The following ANKS1B variants were observed in gnomAD, a reference collection of about 807,000 sequenced individuals.
The protein encoded by ANKS1B is ankyrin repeat and sterile alpha motif domain-containing protein 1B.
A neutral mutation model predicts 148.3 loss-of-function variants in ANKS1B; 36 were observed. That is an observed-to-expected ratio of 0.24 (90% CI 0.19 to 0.32). ANKS1B has a LOEUF of 0.32. Ranked by LOEUF, ANKS1B falls within the 10% of genes least tolerant of loss-of-function variation. ANKS1B has a pLI of 1.00. For missense variants in ANKS1B, 1,157 were observed against 1,542.6 expected (o/e 0.75, Z 4.19); for synonymous variants, 542 against 560.8 (o/e 0.97, Z 0.47).
Position 99,147,999 on chromosome 12 carries a change from A to C in ANKS1B, c.2526+6290T>G, listed in dbSNP as rs1601046564. Among the ~76,000 whole-genome samples the C allele has an allele frequency of 2.6e-5, 4 of 152,112 alleles. No individual in the cohort carries two copies. The South Asian group carries it at 8.3e-4, about 31-fold the overall frequency. The stretch of plus-strand genomic sequence containing the variant: ...AATTTCAGCAGAAAAGTTGAGAAAC[A>C]AGCTGGATTATAGGGTTAAGGAAGT... On this transcript the variant is annotated intron_variant, in intron 15 of 26. Transcript: ENST00000683438.
At position 99,378,670 on chromosome 12, in the gene ANKS1B, A is replaced by AAAAG. The variant is rs1566987906; in HGVS notation, c.1756+20957_1756+20960dup. Among the ~76,000 whole-genome samples the AAAAG allele has an allele frequency of 4.2e-4, 62 of 146,182 alleles. 2 individuals carry two copies. Among genetic ancestry groups the AAAAG allele is most frequent in the African/African-American group, 7.1e-4 (28 of 39,274 alleles). ...TCCATCTCAAAAAAAAAAAAAAAAA[A>AAAAG]AAAGAAAAAGAAAAGAAAAAGAGAC... On this transcript the variant is annotated intron_variant, in intron 12 of 26. Coordinates refer to ENST00000683438, the MANE Select transcript of ANKS1B (RefSeq NM_001352186.2).
Position 98,781,107 on chromosome 12 carries a change from T to A in ANKS1B, c.3441+10A>T. 1 of 1,520,054 alleles carries A rather than the reference T, an allele frequency of 6.6e-7. No individual in the cohort carries two copies. Among genetic ancestry groups the A allele is most frequent in the South Asian group, 1.2e-5 (1 of 83,252 alleles). 94.2% of individuals were successfully genotyped at this position (1,520,054 alleles called of 1,614,324 possible). On this transcript the variant is annotated intron_variant, in intron 24 of 26. Coordinates refer to ENST00000683438, the MANE Select transcript of ANKS1B (RefSeq NM_001352186.2). ...CTGGTGTCTAAACCAGAGAGAGGAG[T>A]GGTACTTACCTTATTTGTTGCATCA...
At chr12:99,010,916 T>C (rs1255143177) in intron 17 of ANKS1B, among the ~76,000 whole-genome samples, 1 of 149,852 alleles carries the variant, frequency 6.7e-6, no homozygotes, top group African/African-American at 2.5e-5. Flanking sequence ...TTTTTTTTTT[T>C]TTTTTTAATA....
chr12:99,067,551 G>A (rs2044764413), intron 16 of ANKS1B, among the ~76,000 whole-genome samples: 2 of 152,172 alleles, frequency 1.3e-5, no homozygotes, highest in Non-Finnish European at 2.9e-5. Flanking sequence ...TAGAGCAAGA[G>A]AGGCAGAAAA....
At chr12:98,743,161 G>C (rs1486677217), downstream of ANKS1B, among the ~76,000 whole-genome samples, 1 of 152,054 alleles carries the variant, frequency 6.6e-6, no homozygotes, top group Non-Finnish European at 1.5e-5. Context: ...ATTGATTTTT[G>C]AGGATTTGGC....
Position 99,551,450 on chromosome 12 carries a change from C to T in ANKS1B, c.1273-46809G>A, listed in dbSNP as rs956632509. 5.3e-5 allele frequency among the ~76,000 whole-genome samples: 8 copies of T among 149,910 alleles called. No homozygotes were observed. In the East Asian group the frequency reaches 5.9e-4, roughly 11 times the overall value. On this transcript the variant is annotated intron_variant, in intron 9 of 26. Transcript: ENST00000683438. Reference sequence around the variant, plus strand: ...CTATGATCTCCACTAAAAGGTAAGCCGCTTTATGGCAGGAACCATAACCTA... The same window carrying T: ...CTATGATCTCCACTAAAAGGTAAGCTGCTTTATGGCAGGAACCATAACCTA...
At chr12:99,000,068 G>A (rs777418495) in intron 17 of ANKS1B, among the ~76,000 whole-genome samples, 8 of 151,930 alleles carry the variant, frequency 5.3e-5, no homozygotes, top group East Asian at 1.9e-4. Flanking sequence ...GCTAAGAAAC[G>A]GGTGGGTAGA....
chr12:99,603,300 C>T (rs1365273527), intron 9 of ANKS1B, among the ~76,000 whole-genome samples: 2 of 152,092 alleles, frequency 1.3e-5, no homozygotes, highest in Non-Finnish European at 2.9e-5. Flanking sequence ...GACTCACTGT[C>T]AAATTTCCCA....
At chr12:99,943,337 T>C (rs980118417) in intron 1 of ANKS1B, among the ~76,000 whole-genome samples, 3 of 152,194 alleles carry the variant, frequency 2.0e-5, no homozygotes, top group Non-Finnish European at 4.4e-5. Flanking sequence ...GTTATAAAAC[T>C]GCAGCACAAA....
chr12:99,378,311 A>G (rs2152497363), intron 12 of ANKS1B, among the ~76,000 whole-genome samples: 1 of 152,294 alleles, frequency 6.6e-6, no homozygotes, highest in Non-Finnish European at 1.5e-5. Flanking sequence ...AATGAGATTC[A>G]TAGAAAATCC....
intron 1 of ANKS1B, among the ~76,000 whole-genome samples, chr12:99,961,316 G>T (rs1344406154): frequency 1.3e-5 from 2 of 152,152 alleles, no homozygotes; most frequent in Non-Finnish European, 2.9e-5. Context: ...AGTGGGAAAG[G>T]TAAGGTGAAG....
intron 12 of ANKS1B, among the ~76,000 whole-genome samples, chr12:99,263,998 A>C (rs1462183847): frequency 6.6e-6 from 1 of 152,172 alleles, no homozygotes; most frequent in African/African-American, 2.4e-5. Context: ...TCTCAAGTTC[A>C]AATCCATTGC....
chr12:99,734,443 G>A lies in ANKS1B; in HGVS notation c.1128+38479C>T, dbSNP rs149916625. Among the ~76,000 whole-genome samples the A allele has an allele frequency of 6.3e-3, 958 of 152,060 alleles. 4 individuals are homozygous for A. The highest frequency in any genetic ancestry group is 0.02 in the South Asian group (95 of 4,812). On this transcript the variant is annotated intron_variant, in intron 8 of 26. Transcript: ENST00000683438. ...CGAGTAGCTGGGATTACAGGCATGC[G>A]CCACCACGCATGGCTAATTTTTGTA...
intron 1 of ANKS1B, among the ~76,000 whole-genome samples, chr12:99,950,781 C>G (rs975901546): frequency 2.0e-5 from 3 of 152,100 alleles, no homozygotes; most frequent in Non-Finnish European, 4.4e-5. Context: ...TGGTTGCTCT[C>G]AAGGCCTAGT....
intron 9 of ANKS1B, 120 bp downstream of exon 9, chr12:99,654,947 A>T: frequency 8.5e-7 from 1 of 1,171,786 alleles, no homozygotes; most frequent in Non-Finnish European, 1.2e-6. Flanking sequence ...AAACCACAAG[A>T]TCCAAAATCA....
intron 17 of ANKS1B, among the ~76,000 whole-genome samples, chr12:98,876,445 T>C (rs1416915625): frequency 6.6e-6 from 1 of 152,212 alleles, no homozygotes; most frequent in African/African-American, 2.4e-5. Flanking sequence ...TTGTAATCTA[T>C]CAATTAATGT....
chr12:99,100,235 AT>A (rs1369599672), intron 15 of ANKS1B, among the ~76,000 whole-genome samples: 5 of 152,194 alleles, frequency 3.3e-5, no homozygotes, highest in African/African-American at 9.7e-5. Context: ...GATCATTTCC[AT>A]TTTTAGTTTT....
At chr12:99,415,722 C>A (rs1594351890) in intron 11 of ANKS1B, among the ~76,000 whole-genome samples, 2 of 152,102 alleles carry the variant, frequency 1.3e-5, no homozygotes, top group Admixed American at 1.3e-4. Context: ...CTCGCTCTGC[C>A]GCCCAGGCTG....
chr12:99,843,450 C>T (rs974596720), intron 1 of ANKS1B, among the ~76,000 whole-genome samples: 10 of 152,032 alleles, frequency 6.6e-5, no homozygotes, highest in Non-Finnish European at 1.5e-4. Flanking sequence ...GCTGTCCACT[C>T]CGTGTGTCCA....
Sources: allele counts gnomAD v4.1 joint callset (sites outside exome capture counted in the v4.1 genomes callset), GRCh38; gene constraint gnomAD v4.1.1; transcripts MANE v1.5; gene names NCBI Gene and HGNC (gene_info 2026-07-23, HGNC 2026-07-21).